The following ARHGEF7 variants were observed in gnomAD, a reference collection of about 807,000 sequenced individuals.
ARHGEF7 encodes Rho guanine nucleotide exchange factor 7.
A neutral mutation model predicts 109.8 loss-of-function variants in ARHGEF7; 33 were observed. That is an observed-to-expected ratio of 0.30 (90% confidence interval 0.23 to 0.40). The LOEUF is 0.40. Among genes scored for constraint, ARHGEF7 ranks in the 10% least tolerant of loss-of-function variants. The pLI is 1.00. For missense variants in ARHGEF7, 938 were observed against 1,098.5 expected (o/e 0.85, Z 2.07); for synonymous variants, 458 against 424.6 (o/e 1.08, Z -0.97).
Position 111,231,521 on chromosome 13 carries a change from C to T in ARHGEF7, c.671-1684C>T, listed in dbSNP as rs143094061. Among the ~76,000 whole-genome samples the T allele has an allele frequency of 9.8e-4, 146 of 149,420 alleles. 2 individuals are homozygous for T. In the East Asian group the frequency reaches 0.022, roughly 23 times the overall value. ...GGCATTGAAGGAAGGTTGAGGTAAACGGCTCCACAGGAGGAGGATCCAAAG... is the reference window on the plus strand; with the variant it reads ...GGCATTGAAGGAAGGTTGAGGTAAATGGCTCCACAGGAGGAGGATCCAAAG... On this transcript the variant is annotated intron_variant, in intron 5 of 21. Coordinates refer to ENST00000646102, the MANE Select transcript of ARHGEF7 (RefSeq NM_001354046.2).
chr13:111,170,548 A>G lies in ARHGEF7; in HGVS notation c.252+16557A>G, dbSNP rs986123305. Among the ~76,000 whole-genome samples, 4 of 152,192 alleles carry G rather than the reference A, an allele frequency of 2.6e-5. 1 individual carries two copies. On this transcript the variant is annotated intron_variant, in intron 2 of 21. Coordinates refer to ENST00000646102, the MANE Select transcript of ARHGEF7 (RefSeq NM_001354046.2). The stretch of plus-strand genomic sequence containing the variant: ...ATTGATCATGTTACTGGCGTTATCA[A>G]CGGCCTTGCACAAGGCTGCTCACTC...
chr13:111,141,224 G>C (rs2075330042), intron 1 of ARHGEF7, among the ~76,000 whole-genome samples: 1 of 152,136 alleles, frequency 6.6e-6, no homozygotes, highest in Admixed American at 6.5e-5. Flanking sequence ...GTTTTGACAA[G>C]TGTATAATGA....
intron 1 of ARHGEF7, among the ~76,000 whole-genome samples, chr13:111,135,789 C>A (rs2075055836): frequency 6.6e-6 from 1 of 152,176 alleles, no homozygotes; most frequent in Admixed American, 6.5e-5. Context: ...CCCTTTATTT[C>A]TTTCTCCTTC....
intron 4 of ARHGEF7, among the ~76,000 whole-genome samples, chr13:111,214,676 T>G (rs1397190808): frequency 1.3e-5 from 2 of 152,232 alleles, no homozygotes; most frequent in Non-Finnish European, 2.9e-5. Flanking sequence ...ACCCTGCCCC[T>G]TGTTGGTCAC....
intron 2 of ARHGEF7, among the ~76,000 whole-genome samples, chr13:111,185,961 CGTGTGT>C (rs71127998): frequency 0.018 from 2,488 of 135,844 alleles, 27 homozygotes; most frequent in East Asian, 0.043. Flanking sequence ...TTTGGGAGCT[CGTGTGT>C]GTGTGTGTGT....
chr13:111,183,762 G>A (rs573656920), intron 2 of ARHGEF7, among the ~76,000 whole-genome samples: 1 of 152,042 alleles, frequency 6.6e-6, no homozygotes, highest in South Asian at 2.1e-4. Context: ...CCCAATTTTT[G>A]CTAATTGTAC....
intron 1 of ARHGEF7, chr13:111,116,258 C>T: frequency 6.5e-6 from 1 of 152,770 alleles, no homozygotes; most frequent in Non-Finnish European, 1.5e-5. Flanking sequence ...GCCGAGAGGA[C>T]GGCAGACACA....
intron 1 of ARHGEF7, among the ~76,000 whole-genome samples, chr13:111,147,000 G>A (rs2075627482): frequency 6.6e-6 from 1 of 152,188 alleles, no homozygotes; most frequent in Admixed American, 6.5e-5. Context: ...TATTACCACG[G>A]AGAATTTGGC....
At chr13:111,212,330 G>A (rs929181931) in intron 4 of ARHGEF7, among the ~76,000 whole-genome samples, 4 of 152,106 alleles carry the variant, frequency 2.6e-5, no homozygotes, top group African/African-American at 4.8e-5. Flanking sequence ...TATCCAGTTC[G>A]GCTCTGTGAT....
chr13:111,276,467 C>A (rs1001298116), intron 12 of ARHGEF7, among the ~76,000 whole-genome samples: 1 of 152,196 alleles, frequency 6.6e-6, no homozygotes, highest in African/African-American at 2.4e-5. Flanking sequence ...AACTTCACAT[C>A]TTTTCAGAAG....
chr13:111,157,068 A>G (rs2076393234), intron 2 of ARHGEF7, among the ~76,000 whole-genome samples: 1 of 152,220 alleles, frequency 6.6e-6, no homozygotes, highest in Admixed American at 6.5e-5. Context: ...GTAGAAAATC[A>G]GATATTATCC....
chr13:111,149,442 T>TTA (rs1295786872), intron 1 of ARHGEF7, among the ~76,000 whole-genome samples: 1 of 152,226 alleles, frequency 6.6e-6, no homozygotes. Context: ...GTAGAGTCAA[T>TTA]TATCATTATT....
intron 19 of ARHGEF7, chr13:111,292,583 G>A (rs1245411874): frequency 2.3e-6 from 3 of 1,303,734 alleles, no homozygotes; most frequent in East Asian, 3.1e-5. Flanking sequence ...AGGGGTAGTT[G>A]TTGTTTTATA....
Position 111,303,198 on chromosome 13 carries a change from C to A in ARHGEF7, c.*85C>A. 1.2e-5 allele frequency: 12 copies of A among 988,678 alleles called. No individual in the cohort carries two copies. The highest frequency in any genetic ancestry group is 3.8e-5 in the East Asian group (1 of 25,976). 61.2% of individuals were successfully genotyped at this position (988,678 alleles called of 1,614,324 possible). On this transcript the variant is annotated 3_prime_UTR_variant, in exon 22 of 22. Coordinates refer to ENST00000646102, the MANE Select transcript of ARHGEF7 (RefSeq NM_001354046.2). ...ACCCAAGTCGGGGTGCACTCAGGAC[C>A]ACAGGGCAGGGCTGGGTGGGGCGCC...
chr13:111,285,396 C>T (rs889889372), intron 16 of ARHGEF7, among the ~76,000 whole-genome samples: 1 of 152,172 alleles, frequency 6.6e-6, no homozygotes, highest in African/African-American at 2.4e-5. Flanking sequence ...ATGCAGAAAC[C>T]AGCCTTTTTT....
Position 111,273,216 on chromosome 13 carries a change from T to C in ARHGEF7, c.1074-598T>C, listed in dbSNP as rs2092285890. ...AGGGACCCCTTTCTTCCTCACGTAT[T>C]GTGAGGATTAAACTTAAAGCTTTTG... On this transcript the variant is annotated intron_variant, in intron 9 of 21. Coordinates refer to ENST00000646102, the MANE Select transcript of ARHGEF7 (RefSeq NM_001354046.2). The surrounding 1 kb of genome is among the most constrained non-coding windows in gnomAD (Gnocchi z 4.5). Among the ~76,000 whole-genome samples the C allele has an allele frequency of 6.6e-6, 1 of 152,184 alleles. No individual in the cohort carries two copies. Among genetic ancestry groups the C allele is most frequent in the Admixed American group, 6.5e-5 (1 of 15,286 alleles).
At position 111,218,594 on chromosome 13, in the gene ARHGEF7, A is replaced by G. The variant is rs1427334995; in HGVS notation, c.670+714A>G. On this transcript the variant is annotated intron_variant, in intron 5 of 21. Transcript: ENST00000646102. ...CAGTTCCTCAGATTCTGCTGGGGAA[A>G]GAGTGACTTACAGAGAATAGCTGAT... 2.0e-5 allele frequency among the ~76,000 whole-genome samples: 3 copies of G among 152,212 alleles called. No individual in the cohort carries two copies. The East Asian group carries it at 5.8e-4, about 29-fold the overall frequency.
chr13:111,150,449 TCTTC>T (rs2075831215), intron 1 of ARHGEF7, among the ~76,000 whole-genome samples: 1 of 152,224 alleles, frequency 6.6e-6, no homozygotes, highest in Non-Finnish European at 1.5e-5. Flanking sequence ...CTCCACATCT[TCTTC>T]CTTCATGTCA....
chr13:111,150,983 C>T (rs576130067), intron 1 of ARHGEF7, among the ~76,000 whole-genome samples: 1 of 152,296 alleles, frequency 6.6e-6, no homozygotes, highest in South Asian at 2.1e-4. Flanking sequence ...ACCAGCCATG[C>T]TTTTCTGTTC....
Sources: allele counts gnomAD v4.1 joint callset (sites outside exome capture counted in the v4.1 genomes callset), GRCh38; gene constraint gnomAD v4.1.1; non-coding constraint Gnocchi (gnomAD v3.1); transcripts MANE v1.5; gene names NCBI Gene and HGNC (gene_info 2026-07-23, HGNC 2026-07-21).